Variants in PHTF1 observed in about 807,000 individuals in gnomAD.
PHTF1 encodes the protein putative homeodomain transcription factor 1, also known as protein PHTF1.
Under a neutral mutation model 102.4 loss-of-function variants are expected in PHTF1, and 88 were observed. The observed-to-expected ratio is 0.86, with a 90% CI of 0.72 to 1.03. The LOEUF is 1.03. Among genes scored for constraint, PHTF1 ranks in the 50% least tolerant of loss-of-function variants. The pLI, the probability that PHTF1 is intolerant of heterozygous loss-of-function variation, is 0.00. For synonymous variants in PHTF1, 289 were observed against 305.2 expected, an observed-to-expected ratio of 0.95 and a Z score of 0.55; for missense variants, 814 against 909.5, an observed-to-expected ratio of 0.89 and a Z score of 1.35.
rs532751036 is a variant in PHTF1, at chr1:113,706,311, T to C, written c.1399-149A>G. 1.6e-5 allele frequency: 13 copies of C among 794,436 alleles called. No individual in the cohort carries two copies. In the Admixed American group the frequency reaches 2.5e-4, roughly 15 times the overall value. 49.2% of individuals were successfully genotyped at this position (794,436 alleles called of 1,614,324 possible). On this transcript the variant is annotated intron_variant, in intron 12 of 18. Transcript: ENST00000369604. Reference sequence around the variant, plus strand: ...ACAGATTTATGACTTTCAAATCTTATTAAAAATTGGGATTCAATGAGATAA... The same window carrying C: ...ACAGATTTATGACTTTCAAATCTTACTAAAAATTGGGATTCAATGAGATAA...
At chr1:113,757,386 G>T (rs1659043579) in intron 3 of PHTF1, among the ~76,000 whole-genome samples, 2 of 152,146 alleles carry the variant, frequency 1.3e-5, no homozygotes, top group African/African-American at 4.8e-5. Context: ...TGAAAAATCT[G>T]AAACTCTGGC....
intron 7 of PHTF1, among the ~76,000 whole-genome samples, chr1:113,722,641 G>A (rs569159042): frequency 6.6e-6 from 1 of 151,872 alleles, no homozygotes; most frequent in African/African-American, 2.4e-5. Flanking sequence ...GGCCAGGCAT[G>A]GTGGCTCACA....
At chr1:113,739,104 C>T (rs1303086011) in intron 3 of PHTF1, among the ~76,000 whole-genome samples, 3 of 152,230 alleles carry the variant, frequency 2.0e-5, no homozygotes, top group Admixed American at 6.5e-5. Context: ...CTACCCACCT[C>T]GGCCTCCCAA....
At chr1:113,723,784 C>A (rs1236578193) in intron 7 of PHTF1, among the ~76,000 whole-genome samples, 1 of 152,058 alleles carries the variant, frequency 6.6e-6, no homozygotes, top group Non-Finnish European at 1.5e-5. Flanking sequence ...GAGATCACAT[C>A]AAGTTAAAAA....
Position 113,710,271 on chromosome 1 carries a change from C to T in PHTF1, c.1252G>A (p.Glu418Lys), listed in dbSNP as rs537039080. 1.9e-6 allele frequency: 3 copies of T among 1,613,200 alleles called. No homozygotes were observed. Among genetic ancestry groups the T allele is most frequent in the Non-Finnish European group, 2.5e-6 (3 of 1,179,788 alleles). The change falls in exon 11 of 19, where the codon GAG becomes AAG. Residue 418 changes from glutamate to lysine, a missense_variant. Coordinates refer to ENST00000369604, the MANE Select transcript of PHTF1 (RefSeq NM_001323043.2). ...GCACAGACCTGCTGAAAAACATCCT[C>T]TTTGGGGTCACGTTTGGTCCCTGAG... ...LHSGTKRDPK[E>K]DVFQQNHLFW...
intron 5 of PHTF1, 132 bp from the exon 6 acceptor site, chr1:113,726,706 C>T (rs1363144464): frequency 5.1e-6 from 3 of 583,198 alleles, no homozygotes; most frequent in Non-Finnish European, 8.4e-6. Context: ...TCCTACAATG[C>T]CCATCCAGAT....
At chr1:113,705,474 G>C (rs1345666936) in intron 13 of PHTF1, among the ~76,000 whole-genome samples, 1 of 151,950 alleles carries the variant, frequency 6.6e-6, no homozygotes, top group African/African-American at 2.4e-5. Flanking sequence ...CACTTCTTCT[G>C]CATATCACCA....
intron 11 of PHTF1, among the ~76,000 whole-genome samples, chr1:113,709,495 G>C (rs1650729571): frequency 1.3e-5 from 2 of 152,166 alleles, no homozygotes; most frequent in South Asian, 2.1e-4. Context: ...AGGTTGATAA[G>C]TGAACTATTT....
Position 113,711,963 on chromosome 1 carries a change from G to A in PHTF1, c.934C>T (p.Leu312Phe), listed in dbSNP as rs1296299157. The change falls in exon 9 of 19, where the codon CTT (leucine) becomes TTT (phenylalanine). Residue 312 changes from leucine (L) to phenylalanine (F), a missense_variant. Leu to Phe is a conservative substitution (Grantham distance 22). Transcript: ENST00000369604. ...ACCTGAGAGTTTAGGTGCCTTGAAA[G>A]TATTGATTTTCTATTCTTAACTTCA... ...GCEVKNRKSI[L>F]SRHLNSQVKK... The A allele has an allele frequency of 2.5e-6, 4 of 1,613,972 alleles. No homozygotes were observed. In the Middle Eastern group the frequency reaches 4.9e-4, roughly 200 times the overall value.
intron 7 of PHTF1, among the ~76,000 whole-genome samples, chr1:113,720,986 G>C (rs970459649): frequency 7.9e-5 from 12 of 152,154 alleles, no homozygotes; most frequent in African/African-American, 2.9e-4. Flanking sequence ...CATGCCTGTG[G>C]TCCCAGCTAC....
At chr1:113,711,089 C>A (rs1203571200) in intron 10 of PHTF1, among the ~76,000 whole-genome samples, 2 of 152,092 alleles carry the variant, frequency 1.3e-5, no homozygotes, top group African/African-American at 2.4e-5. Context: ...ACCAAGATGA[C>A]CCACTCAATT....
At chr1:113,725,351 T>C (rs556433147) in intron 6 of PHTF1, 1 of 152,398 alleles carries the variant, frequency 6.6e-6, no homozygotes, top group South Asian at 2.1e-4. Flanking sequence ...AGACATAGCA[T>C]AGCATTTTAT....
At position 113,759,017 on chromosome 1, in the gene PHTF1, T is replaced by C; in HGVS notation, c.-31+6A>G. ...CCTCCTTCGCTCGCCCGCGTCCGGC[T>C]CTCACCTAGTGCCCGTTGCCCCGCG... On this transcript the variant is annotated splice_donor_region_variant and intron_variant, in intron 1 of 18. Transcript: ENST00000369604. 3 of 1,052,072 alleles carry C rather than the reference T, an allele frequency of 2.9e-6. No homozygotes were observed. Among genetic ancestry groups the C allele is most frequent in the Admixed American group, 5.5e-5 (1 of 18,116 alleles). 65.2% of individuals were successfully genotyped at this position (1,052,072 alleles called of 1,614,324 possible). A position where few individuals can be genotyped will look rare whatever the true frequency, so the allele number is the denominator to read the frequency against.
chr1:113,705,850 A>G (rs978523709), intron 13 of PHTF1, 40 bp downstream of exon 13: 1 of 1,543,690 alleles, frequency 6.5e-7, no homozygotes, highest in Non-Finnish European at 8.9e-7. Flanking sequence ...AATATCATAT[A>G]CAAAAACAGG....
At chr1:113,753,122 C>G (rs1658335176) in intron 3 of PHTF1, among the ~76,000 whole-genome samples, 1 of 152,214 alleles carries the variant, frequency 6.6e-6, no homozygotes, top group Non-Finnish European at 1.5e-5. Flanking sequence ...ATAACTCCCA[C>G]TTGGTCATAG....
At chr1:113,736,779 A>T (rs1203971021) in intron 5 of PHTF1, among the ~76,000 whole-genome samples, 1 of 152,186 alleles carries the variant, frequency 6.6e-6, no homozygotes, top group African/African-American at 2.4e-5. Flanking sequence ...CGTGTGAAGA[A>T]CAAAAAAAGG....
Position 113,697,439 on chromosome 1 carries a change from C to G in PHTF1, c.*266G>C, listed in dbSNP as rs1648918562. Reference sequence around the variant, plus strand: ...CTGAAGCGCAAACTTACAAAATTGTCTTTGTGTTACCACAACACACACAGT... The same window carrying G: ...CTGAAGCGCAAACTTACAAAATTGTGTTTGTGTTACCACAACACACACAGT... On this transcript the variant is annotated 3_prime_UTR_variant, in exon 19 of 19. Transcript: ENST00000369604. 2.7e-6 allele frequency: 1 copy of G among 363,668 alleles called. No homozygotes were observed. Among genetic ancestry groups the G allele is most frequent in the Admixed American group, 4.5e-5 (1 of 22,236 alleles). The allele number at this position is 363,668 out of a possible 1,614,324, so 22.5% of individuals were successfully genotyped here.
In PHTF1 at chr1:113,699,662, A is replaced by C. The variant is rs1270826618; in HGVS notation, c.2142+42T>G. ...GTTTTCTTAGAGAAAAGACTGATTT[A>C]ACTCAAATGATAGTAAAAGTGTATC... is the stretch of plus-strand genomic sequence containing the variant. On this transcript the variant is annotated intron_variant, in intron 17 of 18. Coordinates refer to ENST00000369604, the MANE Select transcript of PHTF1 (RefSeq NM_001323043.2). 6 of 833,156 alleles carry C rather than the reference A, an allele frequency of 7.2e-6. No individual in the cohort carries two copies. The Admixed American group carries it at 1.3e-4, about 18-fold the overall frequency. 51.6% of individuals were successfully genotyped at this position (833,156 alleles called of 1,614,324 possible).
At chr1:113,738,544 T>C (rs1404433064) in intron 4 of PHTF1, among the ~76,000 whole-genome samples, 186 bp downstream of exon 4, 4 of 152,214 alleles carry the variant, frequency 2.6e-5, no homozygotes, top group East Asian at 1.9e-4. Context: ...CTCTTTTACA[T>C]GTATGCATGT....
Sources: allele counts gnomAD v4.1 joint callset (sites outside exome capture counted in the v4.1 genomes callset), GRCh38; gene constraint gnomAD v4.1.1; transcripts MANE v1.5; gene names NCBI Gene and HGNC (gene_info 2026-07-23, HGNC 2026-07-21).